The following FRMD5 variants were observed in gnomAD, a reference collection of about 807,000 sequenced individuals.
FRMD5 encodes the protein FERM domain-containing protein 5.
In FRMD5, 20 loss-of-function variants were observed where a neutral mutation model predicts 69.0. That is an observed-to-expected ratio of 0.29 (90% CI 0.20 to 0.42). The LOEUF (loss-of-function observed/expected upper bound fraction) is 0.42, where lower values mean the gene tolerates loss of function less well. FRMD5 is among the 10% of genes least tolerant of loss of function. The probability of loss-of-function intolerance (pLI) is 1.00; values close to 1 mark genes in which losing one functional copy is unlikely to be tolerated. For missense variants in FRMD5, 595 were observed against 708.6 expected (o/e 0.84, Z 1.82); for synonymous variants, 271 against 260.1 (o/e 1.04, Z -0.40).
At chr15:44,075,682 A>C (rs1156475606) in intron 1 of FRMD5, among the ~76,000 whole-genome samples, 1 of 152,044 alleles carries the variant, frequency 6.6e-6, no homozygotes, top group Non-Finnish European at 1.5e-5. Context: ...TCTCTGTTTG[A>C]CTCATTTTTT....
At chr15:43,884,219 C>A (rs1014814541) in intron 12 of FRMD5, among the ~76,000 whole-genome samples, 1 of 152,144 alleles carries the variant, frequency 6.6e-6, no homozygotes, top group Non-Finnish European at 1.5e-5. Context: ...AGTAATGCTC[C>A]CCTTCCCAGA....
intron 1 of FRMD5, among the ~76,000 whole-genome samples, chr15:44,089,172 C>G (rs1478537585): frequency 6.6e-6 from 1 of 152,182 alleles, no homozygotes; most frequent in Non-Finnish European, 1.5e-5. Context: ...CCAGATCTAT[C>G]CATGTTTCTC....
intron 1 of FRMD5, among the ~76,000 whole-genome samples, chr15:44,055,037 T>A (rs1261950333): frequency 7.3e-6 from 1 of 137,690 alleles, no homozygotes; most frequent in Non-Finnish European, 1.5e-5. Context: ...ACCATTGTAC[T>A]CCAGCCTGGG....
At chr15:43,963,453 TTGG>T (rs2090238805) in intron 1 of FRMD5, among the ~76,000 whole-genome samples, 1 of 152,216 alleles carries the variant, frequency 6.6e-6, no homozygotes, top group Admixed American at 6.5e-5. Flanking sequence ...TTTTACACTG[TTGG>T]TGGGACTGTA....
intron 1 of FRMD5, among the ~76,000 whole-genome samples, chr15:43,957,058 T>C (rs553451908): frequency 6.6e-4 from 100 of 152,344 alleles, no homozygotes; most frequent in African/African-American, 2.2e-3. Context: ...CTGATTTATA[T>C]AACGTTTTAT....
chr15:44,034,974 G>C (rs1315351796), intron 1 of FRMD5, among the ~76,000 whole-genome samples: 2 of 152,174 alleles, frequency 1.3e-5, no homozygotes, highest in Non-Finnish European at 2.9e-5. Flanking sequence ...CTGAAACAGT[G>C]AATGTTCCTT....
intron 1 of FRMD5, among the ~76,000 whole-genome samples, chr15:44,109,885 T>C (rs2076773069): frequency 6.6e-6 from 1 of 152,240 alleles, no homozygotes; most frequent in Non-Finnish European, 1.5e-5. Flanking sequence ...CAGAATGTCA[T>C]ATAGTTGAAA....
chr15:43,975,190 A>G (rs550898917), intron 1 of FRMD5, among the ~76,000 whole-genome samples: 1 of 152,384 alleles, frequency 6.6e-6, no homozygotes, highest in African/African-American at 2.4e-5. Flanking sequence ...CTCAAAAGTC[A>G]TCTAAGCTAG....
intron 1 of FRMD5, among the ~76,000 whole-genome samples, chr15:44,173,536 G>C (rs959637529): frequency 1.3e-5 from 2 of 151,876 alleles, no homozygotes; most frequent in Non-Finnish European, 2.9e-5. Context: ...TTTTTTTCTT[G>C]AGACAGAGTC....
intron 1 of FRMD5, among the ~76,000 whole-genome samples, chr15:44,187,410 G>A (rs2078119602): frequency 6.6e-6 from 1 of 152,086 alleles, no homozygotes; most frequent in South Asian, 2.1e-4. Flanking sequence ...GCAGATTTCT[G>A]TTGTTTGACT....
At chr15:44,020,115 T>C (rs1238834390) in intron 1 of FRMD5, among the ~76,000 whole-genome samples, 1 of 152,176 alleles carries the variant, frequency 6.6e-6, no homozygotes, top group Non-Finnish European at 1.5e-5. Context: ...ATTCAGTATA[T>C]GGTATGATAT....
intron 1 of FRMD5, among the ~76,000 whole-genome samples, chr15:44,076,368 C>T (rs2140429704): frequency 6.7e-6 from 1 of 149,232 alleles, no homozygotes; most frequent in Non-Finnish European, 1.5e-5. Context: ...GACTTGGAAC[C>T]AACCCAAATG....
chr15:43,875,804 G>GTTTTTTTTGTTTTTTT (rs2088329082), intron 13 of FRMD5: 3 of 209,616 alleles, frequency 1.4e-5, no homozygotes, highest in African/African-American at 9.6e-5. Flanking sequence ...CCTGGGCCTA[G>GTTTTTTTTGTTTTTTT]TTTTTTTTTT....
At chr15:44,132,964 C>T (rs916692645) in intron 1 of FRMD5, among the ~76,000 whole-genome samples, 53 of 151,680 alleles carry the variant, frequency 3.5e-4, no homozygotes, top group Middle Eastern at 3.4e-3. Context: ...GGTTTCACCA[C>T]GTTAGCCGGG....
intron 1 of FRMD5, among the ~76,000 whole-genome samples, chr15:44,021,194 G>A (rs1483387124): frequency 6.6e-6 from 1 of 152,168 alleles, no homozygotes; most frequent in Non-Finnish European, 1.5e-5. Flanking sequence ...GCTGAGATGG[G>A]AGGATTGCCT....
At chr15:43,883,088 G>A (rs1057194389) in intron 13 of FRMD5, among the ~76,000 whole-genome samples, 4 of 151,478 alleles carry the variant, frequency 2.6e-5, no homozygotes, top group African/African-American at 4.9e-5. Flanking sequence ...GAGCCACTGC[G>A]CCAGCCCCTT....
chr15:44,152,340 A>G (rs2077459898), intron 1 of FRMD5, among the ~76,000 whole-genome samples: 1 of 152,202 alleles, frequency 6.6e-6, no homozygotes, highest in Non-Finnish European at 1.5e-5. Context: ...ATATGTATCA[A>G]TACTTAATTC....
chr15:44,117,991 C>CTTTTTTTTTTTTTTTTTTT lies in FRMD5; in HGVS notation c.102+76943_102+76961dup, dbSNP rs747747488. ...CTGGATTCCATTTCTTTCTTTTTTA[C>CTTTTTTTTTTTTTTTTTTT]TTTTTTTTTTTTTTTTTTTTTTTTG... On this transcript the variant is annotated intron_variant, in intron 1 of 13. Transcript: ENST00000417257. Among the ~76,000 whole-genome samples the CTTTTTTTTTTTTTTTTTTT allele has an allele frequency of 2.2e-4, 20 of 92,652 alleles. 1 individual carries two copies. The highest frequency in any genetic ancestry group is 4.2e-4 in the African/African-American group (9 of 21,610). 60.8% of individuals were successfully genotyped at this position (92,652 alleles called of 152,430 possible).
chr15:44,064,997 T>C (rs536331457), intron 1 of FRMD5, among the ~76,000 whole-genome samples: 17 of 152,310 alleles, frequency 1.1e-4, no homozygotes, highest in African/African-American at 3.4e-4. Flanking sequence ...TCACTGAGAA[T>C]AGACATTTAT....
Sources: allele counts gnomAD v4.1 joint callset (sites outside exome capture counted in the v4.1 genomes callset), GRCh38; gene constraint gnomAD v4.1.1; transcripts MANE v1.5; gene names NCBI Gene and HGNC (gene_info 2026-07-23, HGNC 2026-07-21).